NTRK3: variants seen among roughly 807,000 people sequenced by gnomAD.
NTRK3 encodes neurotrophic receptor tyrosine kinase 3, also known as NT-3 growth factor receptor.
In NTRK3, 24 loss-of-function variants were observed where a neutral mutation model predicts 91.7. That is an observed-to-expected ratio of 0.26 (90% CI 0.19 to 0.37). NTRK3 has a LOEUF of 0.37. Ranked by LOEUF, NTRK3 falls within the 10% of genes least tolerant of loss-of-function variation. The pLI, the probability that NTRK3 is intolerant of heterozygous loss-of-function variation, is 1.00. For missense variants in NTRK3, 880 were observed against 1,068.9 expected (o/e 0.82, Z 2.46); for synonymous variants, 483 against 404.0 (o/e 1.20, Z -2.34).
At chr15:88,247,724 T>G (rs558144755) in intron 3 of NTRK3, among the ~76,000 whole-genome samples, 21 of 152,160 alleles carry the variant, frequency 1.4e-4, no homozygotes, top group African/African-American at 4.8e-4. Context: ...ACGTGGAAAA[T>G]GCACCAAACC....
At chr15:88,014,772 G>A (rs952935291) in intron 14 of NTRK3, among the ~76,000 whole-genome samples, 1 of 152,184 alleles carries the variant, frequency 6.6e-6, no homozygotes, top group African/African-American at 2.4e-5. Flanking sequence ...CAGGTTCTTT[G>A]CAGGAACACG....
intron 16 of NTRK3, chr15:87,931,256 G>A (rs1307007543): frequency 5.8e-6 from 3 of 517,280 alleles, no homozygotes; most frequent in Non-Finnish European, 1.2e-5. Context: ...AGGATAGGAT[G>A]TGGTGAAAAG....
In NTRK3 at chr15:87,969,433, T is replaced by G. The variant is rs140301223; in HGVS notation, c.1586-28680A>C. 2.1e-3 allele frequency among the ~76,000 whole-genome samples: 319 copies of G among 152,222 alleles called. 2 individuals carry two copies. The highest frequency in any genetic ancestry group is 6.4e-3 in the East Asian group (33 of 5,184). ...ATTAAAATAATGATAATAGCAATAA[T>G]AAGAAGAATAGATAGATAGATAGCT... is the stretch of plus-strand genomic sequence containing the variant. On this transcript the variant is annotated intron_variant, in intron 14 of 18. Transcript: ENST00000394480.
At chr15:88,160,294 T>G (rs2044325228) in intron 5 of NTRK3, among the ~76,000 whole-genome samples, 1 of 152,168 alleles carries the variant, frequency 6.6e-6, no homozygotes, top group African/African-American at 2.4e-5. Context: ...GAGTCACAGC[T>G]GTGCCTAGGC....
At chr15:87,875,123 CT>C (rs1157069548) in exon 19 of NTRK3, 23 of 231,284 alleles carry the variant, frequency 9.9e-5, no homozygotes, top group Non-Finnish European at 1.1e-4. Flanking sequence ...TTTCAGCTGC[CT>C]TCAGCTAACC....
intron 17 of NTRK3, among the ~76,000 whole-genome samples, chr15:87,903,855 G>C (rs1299006575): frequency 6.6e-6 from 1 of 152,204 alleles, no homozygotes; most frequent in Non-Finnish European, 1.5e-5. Context: ...ATTGGTGTTT[G>C]ACTTTGGGAA....
intron 5 of NTRK3, among the ~76,000 whole-genome samples, chr15:88,183,014 C>T (rs35231042): frequency 0.23 from 29,007 of 124,776 alleles, 2,138 homozygotes; most frequent in African/African-American, 0.28. Flanking sequence ...TTCTTGCAAC[C>T]CCCCCCCGCC....
At chr15:88,020,138 G>A (rs1186938410) in intron 14 of NTRK3, among the ~76,000 whole-genome samples, 1 of 152,232 alleles carries the variant, frequency 6.6e-6, no homozygotes, top group East Asian at 1.9e-4. Flanking sequence ...CAGGCATACA[G>A]GGGAGAAGGG....
Position 87,977,575 on chromosome 15 carries a change from A to G in NTRK3, c.1586-36822T>C, listed in dbSNP as rs117117212. 4.3e-4 allele frequency: 100 copies of G among 231,288 alleles called. No individual in the cohort carries two copies. The East Asian group carries it at 6.1e-3, about 14-fold the overall frequency. 14.3% of individuals were successfully genotyped at this position (231,288 alleles called of 1,614,324 possible). On this transcript the variant is annotated intron_variant, in intron 14 of 18. Coordinates refer to ENST00000394480, the Ensembl canonical transcript of NTRK3. The stretch of plus-strand genomic sequence containing the variant: ...ATCCTCAAGCTTACTCCTTAAAGCC[A>G]CACTTGGGAGGAGGCCCTGGACCCA...
chr15:87,869,553 A>G lies in NTRK3; in HGVS notation c.*7382T>C, dbSNP rs547062304. The G allele has an allele frequency of 6.0e-5, 13 of 215,962 alleles. No homozygotes were observed. The East Asian group carries it at 8.2e-4, about 14-fold the overall frequency. The allele number at this position is 215,962 out of a possible 1,614,324, so 13.4% of individuals were successfully genotyped here. A position where few individuals can be genotyped will look rare whatever the true frequency, so the allele number is the denominator to read the frequency against. Reference sequence around the variant, plus strand: ...AATTTTCTCACTGTTTGAAGTCCAAACTGTTTGTGGCTCTGGGATTCACCT... The same window carrying G: ...AATTTTCTCACTGTTTGAAGTCCAAGCTGTTTGTGGCTCTGGGATTCACCT... On this transcript the variant is annotated 3_prime_UTR_variant, in exon 19 of 19. Transcript: ENST00000394480.
intron 5 of NTRK3, among the ~76,000 whole-genome samples, chr15:88,178,494 A>G (rs1033776735): frequency 3.9e-5 from 6 of 152,106 alleles, no homozygotes; most frequent in African/African-American, 1.2e-4. Flanking sequence ...TCCATCTTTT[A>G]CCCCACTCTG....
chr15:88,173,260 C>T (rs1197195439), intron 5 of NTRK3, among the ~76,000 whole-genome samples: 2 of 152,100 alleles, frequency 1.3e-5, no homozygotes, highest in East Asian at 3.9e-4. Flanking sequence ...CGCACATAGG[C>T]ACAAAATTTT....
intron 14 of NTRK3, among the ~76,000 whole-genome samples, chr15:87,989,371 G>T (rs1007556112): frequency 6.6e-6 from 1 of 152,136 alleles, no homozygotes; most frequent in African/African-American, 2.4e-5. Flanking sequence ...GATGAAGCTG[G>T]AAACCATCAT....
intron 14 of NTRK3, among the ~76,000 whole-genome samples, chr15:87,961,943 T>C (rs907720075): frequency 1.3e-5 from 2 of 152,242 alleles, no homozygotes; most frequent in African/African-American, 4.8e-5. Flanking sequence ...CACACATGGC[T>C]GAGTGGACTT....
Position 88,226,144 on chromosome 15 carries a change from G to A in NTRK3, c.248+29762C>T, listed in dbSNP as rs189354616. ...TCAGGCCTCAGTTTCCTCATCTGTA[G>A]AATGCAGGGAGTGAGCCAGACCGTC... On this transcript the variant is annotated intron_variant, in intron 3 of 18. Coordinates refer to ENST00000394480, the Ensembl canonical transcript of NTRK3. Among the ~76,000 whole-genome samples the A allele has an allele frequency of 2.3e-3, 344 of 152,308 alleles. 6 individuals are homozygous for A. The highest frequency in any genetic ancestry group is 0.02 in the East Asian group (106 of 5,178).
At chr15:87,939,891 T>C (rs576482129) in intron 15 of NTRK3, among the ~76,000 whole-genome samples, 1 of 152,114 alleles carries the variant, frequency 6.6e-6, no homozygotes, top group African/African-American at 2.4e-5. Flanking sequence ...GGTGGAAGAG[T>C]CTGGAAGGAC....
At chr15:87,892,076 C>T (rs2065879735) in intron 17 of NTRK3, among the ~76,000 whole-genome samples, 2 of 89,246 alleles carry the variant, frequency 2.2e-5, no homozygotes, top group Non-Finnish European at 5.0e-5. Flanking sequence ...CAGTTGCCCC[C>T]ATCCCCAACA....
chr15:88,158,542 C>A (rs535487288), intron 5 of NTRK3, among the ~76,000 whole-genome samples: 1 of 152,246 alleles, frequency 6.6e-6, no homozygotes, highest in Non-Finnish European at 1.5e-5. Flanking sequence ...CGCTGCAGCA[C>A]AAGGCCACCA....
intron 14 of NTRK3, among the ~76,000 whole-genome samples, chr15:88,026,473 T>C (rs989482992): frequency 2.6e-5 from 4 of 151,932 alleles, no homozygotes; most frequent in African/African-American, 9.7e-5. Flanking sequence ...TCGCCAGGGA[T>C]TGAAGGGTGT....
Sources: allele counts gnomAD v4.1 joint callset (sites outside exome capture counted in the v4.1 genomes callset), GRCh38; gene constraint gnomAD v4.1.1; transcripts MANE v1.5; gene names NCBI Gene and HGNC (gene_info 2026-07-23, HGNC 2026-07-21).